Variants in PICALM observed in about 807,000 individuals in gnomAD.
PICALM encodes the protein phosphatidylinositol-binding clathrin assembly protein.
PICALM carries 40 observed loss-of-function variants against 80.5 expected under a neutral mutation model. The observed-to-expected ratio is 0.50, with a 90% CI of 0.39 to 0.65. The LOEUF (loss-of-function observed/expected upper bound fraction) is 0.65. Among genes scored for constraint, PICALM ranks in the 30% least tolerant of loss-of-function variants. The probability of loss-of-function intolerance (pLI) is 0.00; values close to 1 mark genes in which losing one functional copy is unlikely to be tolerated. For synonymous variants in PICALM, 288 were observed against 260.3 expected (o/e 1.11, Z -1.02); for missense variants, 676 against 778.9 (o/e 0.87, Z 1.57).
intron 1 of PICALM, among the ~76,000 whole-genome samples, chr11:86,051,538 A>G (rs1337081015): frequency 6.6e-6 from 1 of 152,074 alleles, no homozygotes; most frequent in Non-Finnish European, 1.5e-5. Flanking sequence ...GCGTGCACTC[A>G]CAGTCCCAGC....
At chr11:86,016,524 C>T (rs2095483751) in intron 4 of PICALM, among the ~76,000 whole-genome samples, 1 of 152,180 alleles carries the variant, frequency 6.6e-6, no homozygotes, top group African/African-American at 2.4e-5. Context: ...TATAATCACT[C>T]CTTTACAAAT....
At chr11:86,015,348 C>T (rs1427262591) in intron 4 of PICALM, among the ~76,000 whole-genome samples, 3 of 152,040 alleles carry the variant, frequency 2.0e-5, no homozygotes, top group Non-Finnish European at 4.4e-5. Context: ...AATCATTTGC[C>T]TCAAGTCAAA....
rs1279751881 is a variant in PICALM at position 86,020,858 on chromosome 11, C to G, written c.452+1509G>C. Among the ~76,000 whole-genome samples the G allele has an allele frequency of 2.0e-5, 3 of 151,902 alleles. No homozygotes were observed. The East Asian group carries it at 5.8e-4, about 29-fold the overall frequency. ...TTAGACATGATTACAAAAGTACAAG[C>G]AACCAAAGGAAAAAAAAGATACACT... On this transcript the variant is annotated intron_variant, in intron 4 of 19. Coordinates refer to ENST00000393346, the MANE Select transcript of PICALM (RefSeq NM_007166.4).
chr11:85,985,687 G>A (rs1236023606), intron 13 of PICALM, among the ~76,000 whole-genome samples: 4 of 152,112 alleles, frequency 2.6e-5, no homozygotes, highest in Non-Finnish European at 5.9e-5. Context: ...CATAAAAAGC[G>A]AATGTATCTA....
chr11:86,067,113 G>T (rs2096458694), intron 1 of PICALM, among the ~76,000 whole-genome samples: 1 of 152,188 alleles, frequency 6.6e-6, no homozygotes. Context: ...CTTCTGTGTA[G>T]CAAAAACTTG....
intron 19 of PICALM, among the ~76,000 whole-genome samples, chr11:85,971,743 A>C (rs1386575111): frequency 9.2e-5 from 14 of 151,760 alleles, no homozygotes; most frequent in Non-Finnish European, 1.0e-4. Context: ...CTCAAAAAAA[A>C]AAAACAAAAC....
At chr11:85,961,591 G>A (rs1165462658) in intron 19 of PICALM, among the ~76,000 whole-genome samples, 1 of 152,146 alleles carries the variant, frequency 6.6e-6, no homozygotes, top group Non-Finnish European at 1.5e-5. Flanking sequence ...TTTCATACAT[G>A]TATCCTTCAT....
chr11:86,023,614 A>G, intron 3 of PICALM: 11 of 976,862 alleles, frequency 1.1e-5, no homozygotes, highest in Non-Finnish European at 1.3e-5. Flanking sequence ...GAAAATGATA[A>G]ATCAGTCGCT....
chr11:85,989,490 A>G (rs1366175875), intron 13 of PICALM, among the ~76,000 whole-genome samples: 1 of 152,198 alleles, frequency 6.6e-6, no homozygotes, highest in Non-Finnish European at 1.5e-5. Flanking sequence ...GAACTGAACA[A>G]AAGAAATTTC....
At chr11:85,999,814 T>C (rs2095089573) in intron 11 of PICALM, among the ~76,000 whole-genome samples, 1 of 152,230 alleles carries the variant, frequency 6.6e-6, no homozygotes, top group African/African-American at 2.4e-5. Context: ...GTGCTAATAA[T>C]GCACTGTGCT....
chr11:85,990,008 C>CA (rs5793177), intron 13 of PICALM, among the ~76,000 whole-genome samples: 57,618 of 89,372 alleles, frequency 0.64, 18,842 homozygotes, highest in East Asian at 0.87. Context: ...AACCAAACAC[C>CA]AAAAAAAAAA....
At chr11:86,065,493 A>C (rs1175995904) in intron 1 of PICALM, among the ~76,000 whole-genome samples, 1 of 152,182 alleles carries the variant, frequency 6.6e-6, no homozygotes, top group African/African-American at 2.4e-5. Context: ...TGGTTCTTTT[A>C]AGCATTCTGT....
intron 1 of PICALM, among the ~76,000 whole-genome samples, chr11:86,066,584 TCTC>T (rs1272401138): frequency 5.3e-5 from 8 of 152,068 alleles, no homozygotes; most frequent in African/African-American, 1.9e-4. Context: ...CTACCTATTT[TCTC>T]CTCTTTTTGA....
intron 19 of PICALM, among the ~76,000 whole-genome samples, chr11:85,966,774 G>A (rs751746353): frequency 5.3e-5 from 8 of 152,280 alleles, no homozygotes; most frequent in South Asian, 2.1e-4. Context: ...GGCACGTGGA[G>A]GTAGAGACCC....
rs71040207 is a variant in PICALM at position 86,045,519 on chromosome 11, C to CAAAAAAAAA, written c.131-13917_131-13909dup. Among the ~76,000 whole-genome samples the CAAAAAAAAA allele has an allele frequency of 7.8e-3, 372 of 47,786 alleles. 31 individuals carry two copies. Among genetic ancestry groups the CAAAAAAAAA allele is most frequent in the Admixed American group, 0.016 (51 of 3,246 alleles). The allele number at this position is 47,786 out of a possible 152,430, so 31.3% of individuals were successfully genotyped here. On this transcript the variant is annotated intron_variant, in intron 1 of 19. Coordinates refer to ENST00000393346, the MANE Select transcript of PICALM (RefSeq NM_007166.4). ...CATAGTGAGACCCTGTCTTGAAATT[C>CAAAAAAAAA]AAAAAAAAAAAAAAAAAAAAAAAAA... is the stretch of plus-strand genomic sequence containing the variant.
At chr11:86,064,332 T>G (rs1837853383) in intron 1 of PICALM, among the ~76,000 whole-genome samples, 1 of 152,182 alleles carries the variant, frequency 6.6e-6, no homozygotes, top group Non-Finnish European at 1.5e-5. Flanking sequence ...AAATGAAATG[T>G]CCCTGTAAAT....
intron 19 of PICALM, among the ~76,000 whole-genome samples, chr11:85,968,647 C>T (rs892422852): frequency 1.3e-5 from 2 of 152,158 alleles, no homozygotes; most frequent in African/African-American, 2.4e-5. Flanking sequence ...ACTGGCTTAG[C>T]AATGGACATT....
chr11:86,057,942 A>G (rs1386457171), intron 1 of PICALM, among the ~76,000 whole-genome samples: 1 of 152,142 alleles, frequency 6.6e-6, no homozygotes, highest in African/African-American at 2.4e-5. Flanking sequence ...ACAACCGCAT[A>G]TATTTATCAC....
intron 1 of PICALM, among the ~76,000 whole-genome samples, chr11:86,045,793 G>A (rs1331029325): frequency 1.3e-5 from 2 of 152,050 alleles, no homozygotes; most frequent in East Asian, 3.9e-4. Flanking sequence ...TACATTTTAA[G>A]TGGTCTAGAC....
Sources: gnomAD v4.1 joint callset for allele counts (sites outside exome capture counted in the v4.1 genomes callset) on GRCh38, gnomAD v4.1.1 for gene constraint, MANE v1.5 for transcripts, NCBI Gene and HGNC (gene_info 2026-07-23, HGNC 2026-07-21) for gene names.